ZNF418: variants seen among roughly 807,000 people sequenced by gnomAD.
ZNF418 encodes zinc finger protein 418.
Under a neutral mutation model 32.0 loss-of-function variants are expected in ZNF418, and 32 were observed. That is an observed-to-expected ratio of 1.00 (90% CI 0.75 to 1.34). The LOEUF (loss-of-function observed/expected upper bound fraction) is 1.34. ZNF418 is among the 40% of genes most tolerant of loss of function. The pLI is 0.00. For synonymous variants in ZNF418, 276 were observed against 270.7 expected (o/e 1.02, Z -0.19); for missense variants, 804 against 812.5 (o/e 0.99, Z 0.13).
Position 57,926,674 on chromosome 19 carries a change from C to T in ZNF418, c.1507G>A (p.Val503Ile). ...DSSGFRVHQR[V>I]HTGEKPFECS... ...TCAAACGGTTTTTCTCCAGTGTGAA[C>T]TCTCTGATGAACACGAAACCCAGAG... The change falls in exon 4 of 6, where the codon GTT becomes ATT. Residue 503 changes from valine to isoleucine, a missense_variant. Val to Ile is a conservative substitution (Grantham distance 29, BLOSUM62 3). Around this residue, in one of 3 missense-constraint regions of ZNF418, gnomAD observed 475 missense variants for 458.6 expected, o/e 1.04. Transcript: ENST00000396147. 3 of 1,614,084 alleles carry T rather than the reference C, an allele frequency of 1.9e-6. No homozygotes were observed. The highest frequency in any genetic ancestry group is 2.5e-6 in the Non-Finnish European group (3 of 1,180,038).
In ZNF418 at chr19:57,930,436, G is replaced by T. The variant is rs373117835; in HGVS notation, c.125C>A (p.Ser42Tyr). ...DVMLENWVLI[S>Y]SLGCWCGSED... Reference sequence around the variant, plus strand: ...GGGTGTGAGGAACTTACCCAGGGAGGATATAAGTACCCAGTTCTCCAGCAT... The same window carrying T: ...GGGTGTGAGGAACTTACCCAGGGAGTATATAAGTACCCAGTTCTCCAGCAT... Residue 42 changes from serine to tyrosine, a missense_variant, in exon 3 of 6, where the codon TCC (serine) becomes TAC (tyrosine). Physicochemically the swap from Ser to Tyr is moderately radical, Grantham distance 144. Around this residue, in one of 3 missense-constraint regions of ZNF418, gnomAD observed 307 missense variants for 304.9 expected, o/e 1.01. Coordinates refer to ENST00000396147, the MANE Select transcript of ZNF418 (RefSeq NM_133460.3). 5.1e-5 allele frequency: 83 copies of T among 1,613,984 alleles called. No individual in the cohort carries two copies. Among genetic ancestry groups the T allele is most frequent in the Non-Finnish European group, 5.9e-5 (70 of 1,180,008 alleles).
intron 2 of ZNF418, among the ~76,000 whole-genome samples, chr19:57,931,107 C>T (rs1437075430): frequency 6.6e-6 from 1 of 152,046 alleles, no homozygotes; most frequent in Non-Finnish European, 1.5e-5. Flanking sequence ...GGGTCCACCC[C>T]CTCCTGACAG....
rs186409203 is a variant in ZNF418 at position 57,927,652 on chromosome 19, G to C, written c.529C>G (p.Gln177Glu). Residue 177 changes from glutamine to glutamate, a missense_variant, in exon 4 of 6, where the codon CAG (glutamine) becomes GAG (glutamate). By Grantham distance (29) the Gln-to-Glu change is conservative. Around this residue, in one of 3 missense-constraint regions of ZNF418, gnomAD observed 307 missense variants for 304.9 expected, o/e 1.01. Transcript: ENST00000396147. ...DFLPSSGLLL[Q>E]EATHTGEKSN... ...TTCTCCCCAGTGTGAGTGGCCTCCT[G>C]CAGCAGTAATCCTGAGCTGGGCAAA... 470 of 1,614,050 alleles carry C rather than the reference G, an allele frequency of 2.9e-4. 1 individual carries two copies. The African/African-American group carries it at 5.1e-3, about 17-fold the overall frequency.
intron 3 of ZNF418, 125 bp from the exon 4 acceptor site, chr19:57,928,172 C>T (rs2072329138): frequency 1.2e-6 from 1 of 827,458 alleles, no homozygotes; most frequent in South Asian, 2.0e-5. Flanking sequence ...AGAAAGTTGG[C>T]TTCACGTGGA....
intron 2 of ZNF418, 110 bp from the exon 3 acceptor site, chr19:57,930,664 G>A (rs1053144825): frequency 1.3e-6 from 2 of 1,505,310 alleles, no homozygotes; most frequent in Admixed American, 1.9e-5. Context: ...AAGATCCTCA[G>A]CACAGAGGAG....
Position 57,926,968 on chromosome 19 carries a change from T to C in ZNF418, c.1213A>G (p.Lys405Glu), listed in dbSNP as rs772642116. 4 of 1,614,008 alleles carry C rather than the reference T, an allele frequency of 2.5e-6. No individual in the cohort carries two copies. The African/African-American group carries it at 5.3e-5, about 22-fold the overall frequency. Residue 405 changes from lysine to glutamate, a missense_variant, in exon 4 of 6, where the codon AAA (lysine) becomes GAA (glutamate). Physicochemically the swap from Lys to Glu is moderately conservative, Grantham distance 56 (BLOSUM62 1). Coordinates refer to ENST00000396147, the MANE Select transcript of ZNF418 (RefSeq NM_133460.3). ...AGGTGTCCCTTTCGACTAAAAGATT[T>C]CCCACATTCTCCACACTCATAAGGT... is the stretch of plus-strand genomic sequence containing the variant. Reference protein sequence around the residue: ...ERPYECGECGKSFSRKGHLRN... With the variant: ...ERPYECGECGESFSRKGHLRN...
chr19:57,923,463 T>A (rs971229421), intron 4 of ZNF418, among the ~76,000 whole-genome samples, 174 bp from the exon 5 acceptor site: 2 of 151,108 alleles, frequency 1.3e-5, no homozygotes, highest in Admixed American at 1.3e-4. Flanking sequence ...CACATATATA[T>A]ACATATATAC....
At position 57,926,426 on chromosome 19, in the gene ZNF418, G is replaced by C; in HGVS notation, c.1755C>G (p.His585Gln). 2.5e-6 allele frequency: 4 copies of C among 1,614,056 alleles called. No individual in the cohort carries two copies. In the East Asian group the frequency reaches 8.9e-5, roughly 36 times the overall value. ...FSSLLEHRRV[H>Q]TGERPYECRE... ...TGCATTCATAAGGCCTTTCTCCAGT[G>C]TGAACTCTCCTGTGTTCAAGGAGAC... Residue 585 changes from histidine (H) to glutamine (Q), a missense_variant, in exon 4 of 6, where the codon CAC (histidine) becomes CAG (glutamine). Physicochemically the swap from His to Gln is conservative, Grantham distance 24 (BLOSUM62 0). Transcript: ENST00000396147.
Position 57,927,981 on chromosome 19 carries a change from G to C in ZNF418, c.200C>G (p.Ser67Cys). The C allele has an allele frequency of 1.2e-6, 2 of 1,603,874 alleles. No homozygotes were observed. The highest frequency in any genetic ancestry group is 4.5e-5 in the East Asian group (2 of 44,670). ...ACCTGCCCCAGGAGTGCTGACCTGAGACACTCTTTGTATAGAAATGCTCTT... is the reference window on the plus strand; with the variant it reads ...ACCTGCCCCAGGAGTGCTGACCTGACACACTCTTTGTATAGAAATGCTCTT... ...SKKSISIQRVSQVSTPGAGVS... is the reference protein window; with the variant it reads ...SKKSISIQRVCQVSTPGAGVS... Residue 67 changes from serine to cysteine, a missense_variant, in exon 4 of 6, where the codon TCT becomes TGT. Around this residue, in one of 3 missense-constraint regions of ZNF418, gnomAD observed 307 missense variants for 304.9 expected, o/e 1.01. Transcript: ENST00000396147.
At position 57,922,212 on chromosome 19, in the gene ZNF418, T is replaced by G. The variant is rs550992462; in HGVS notation, c.*1043A>C. 1 of 178,270 alleles carries G rather than the reference T, an allele frequency of 5.6e-6. No individual in the cohort carries two copies. Among genetic ancestry groups the G allele is most frequent in the South Asian group, 2.0e-4 (1 of 5,024 alleles). 11.0% of individuals were successfully genotyped at this position (178,270 alleles called of 1,614,324 possible). On this transcript the variant is annotated 3_prime_UTR_variant, in exon 6 of 6. Transcript: ENST00000396147. ...TGTCGAACTCCTGGCCTCCAGGATG[T>G]TCTTGCCTTAGTCTCCCAAAACACT...
Position 57,926,285 on chromosome 19 carries a change from G to A in ZNF418, c.1896C>T (p.Phe632=), listed in dbSNP as rs2072217003. The A allele has an allele frequency of 6.2e-7, 1 of 1,608,104 alleles. No individual in the cohort carries two copies. The highest frequency in any genetic ancestry group is 1.1e-5 in the South Asian group (1 of 91,024). Residue 632 remains phenylalanine (F), a synonymous_variant, in exon 4 of 6, where the codon TTC becomes TTT. Transcript: ENST00000396147. ...GTACTCTCCTGTGTTCAGTAAGACT[G>A]AAGGTTTCAGCAAAGGATTTCCCAC... The part of the protein sequence containing the change: ...SECGKSFAET[F]SLTEHRRVHT...
chr19:57,925,330 G>T, intron 4 of ZNF418, among the ~76,000 whole-genome samples: 1 of 151,818 alleles, frequency 6.6e-6, no homozygotes, highest in East Asian at 1.9e-4. Context: ...GCATGGTGGT[G>T]GGCACCTGTA....
chr19:57,930,314 G>A lies in ZNF418; in HGVS notation c.133+114C>T, dbSNP rs947388002. ...ACCACAAAACCTACCCAGAGAAGTGGAGAAGGAAGCTGTGCCCATGGTCCT... is the reference window on the plus strand; with the variant it reads ...ACCACAAAACCTACCCAGAGAAGTGAAGAAGGAAGCTGTGCCCATGGTCCT... On this transcript the variant is annotated intron_variant, in intron 3 of 5. Transcript: ENST00000396147. 1.5e-5 allele frequency: 23 copies of A among 1,523,376 alleles called. 1 individual carries two copies. The highest frequency in any genetic ancestry group is 2.0e-5 in the Non-Finnish European group (22 of 1,103,902). 94.4% of individuals were successfully genotyped at this position (1,523,376 alleles called of 1,614,324 possible). A position where few individuals can be genotyped will look rare whatever the true frequency, so the allele number is the denominator to read the frequency against.
At position 57,925,808 on chromosome 19, in the gene ZNF418, G is replaced by C; in HGVS notation, c.*342C>G. The C allele has an allele frequency of 4.2e-6, 1 of 239,796 alleles. No homozygotes were observed. The highest frequency in any genetic ancestry group is 8.1e-6 in the Non-Finnish European group (1 of 123,118). The allele number at this position is 239,796 out of a possible 1,614,324, so 14.9% of individuals were successfully genotyped here. ...TGCCACACAGCTCCAACATAATTGA[G>C]TTTATGCAGATGCTGAAGGTATGTC... On this transcript the variant is annotated 3_prime_UTR_variant, in exon 4 of 6. Transcript: ENST00000396147.
At chr19:57,930,809 GCT>G (rs545243969) in intron 2 of ZNF418, among the ~76,000 whole-genome samples, 106 of 152,162 alleles carry the variant, frequency 7.0e-4, no homozygotes, top group African/African-American at 2.5e-3. Flanking sequence ...ACAGAGTCTC[GCT>G]CTGTCACCCA....
At chr19:57,933,403 C>T (rs146467910) in intron 2 of ZNF418, among the ~76,000 whole-genome samples, 8,141 of 151,776 alleles carry the variant, frequency 0.054, 313 homozygotes, top group Middle Eastern at 0.076. Flanking sequence ...ACGGTGAAAC[C>T]CCATCTCTAC....
In ZNF418 at chr19:57,927,399, C is replaced by T. The variant is rs2072286059; in HGVS notation, c.782G>A (p.Gly261Glu). 6.2e-7 allele frequency: 1 copy of T among 1,614,064 alleles called. No individual in the cohort carries two copies. Among genetic ancestry groups the T allele is most frequent in the Admixed American group, 1.7e-5 (1 of 60,010 alleles). The part of the protein sequence containing the change: ...VHTGKRPYEC[G>E]ECGKSFSHKG... Reference sequence around the variant, plus strand: ...ATGACTAAAAGATTTCCCACATTCTCCACATTCATAAGGTCTTTTCCCAGT... The same window carrying T: ...ATGACTAAAAGATTTCCCACATTCTTCACATTCATAAGGTCTTTTCCCAGT... The change falls in exon 4 of 6, where the codon GGA becomes GAA. Residue 261 changes from glycine (G) to glutamate (E), a missense_variant. This residue lies in a region of ZNF418 where 22 missense variants were observed against 49.0 expected (regional missense o/e 0.45). Transcript: ENST00000396147.
chr19:57,932,548 TC>T, intron 2 of ZNF418: 1 of 1,535,114 alleles, frequency 6.5e-7, no homozygotes, highest in East Asian at 2.4e-5. Flanking sequence ...ATGGCCCTAT[TC>T]CACTTCTGTG....
Position 57,925,460 on chromosome 19 carries a change from C to CA in ZNF418, c.*527+162dup, listed in dbSNP as rs34948790. Among the ~76,000 whole-genome samples the CA allele has an allele frequency of 2.4e-3, 278 of 118,128 alleles. 2 individuals carry two copies. Among genetic ancestry groups the CA allele is most frequent in the South Asian group, 0.014 (52 of 3,762 alleles). 77.5% of individuals were successfully genotyped at this position (118,128 alleles called of 152,430 possible). On this transcript the variant is annotated intron_variant, in intron 4 of 5. Coordinates refer to ENST00000396147, the MANE Select transcript of ZNF418 (RefSeq NM_133460.3). ...TGGGCGACAGAGCGAGACTCTGTCTCAAAAAAAAAAAAAAAATATCACATG... is the reference window on the plus strand; with the variant it reads ...TGGGCGACAGAGCGAGACTCTGTCTCAAAAAAAAAAAAAAAAATATCACATG...
Sources: allele counts gnomAD v4.1 joint callset (sites outside exome capture counted in the v4.1 genomes callset), GRCh38; gene constraint gnomAD v4.1.1; regional missense constraint gnomAD v4.1.1; transcripts MANE v1.5; gene names NCBI Gene and HGNC (gene_info 2026-07-23, HGNC 2026-07-21).